The following TMEM132C variants were observed in gnomAD, a reference collection of about 807,000 sequenced individuals.
TMEM132C encodes protein phosphatase 1, regulatory subunit 152.
In TMEM132C, 29 loss-of-function variants were observed where a neutral mutation model predicts 61.4. The ratio of observed to expected loss-of-function variants is 0.47; its 90% CI spans 0.35 to 0.64. TMEM132C has a LOEUF of 0.64. Ranked by LOEUF, TMEM132C falls within the 30% of genes least tolerant of loss-of-function variation. The pLI is 0.00. For synonymous variants in TMEM132C, 656 were observed against 633.1 expected, an observed-to-expected ratio of 1.04 and a Z score of -0.54; for missense variants, 1,408 against 1,476.9, an observed-to-expected ratio of 0.95 and a Z score of 0.76.
chr12:128,600,228 C>T (rs1030797564), intron 3 of TMEM132C, among the ~76,000 whole-genome samples: 12 of 152,192 alleles, frequency 7.9e-5, no homozygotes, highest in African/African-American at 2.4e-4. Flanking sequence ...GTGATCTGCC[C>T]ACCTCGGCCT....
intron 3 of TMEM132C, among the ~76,000 whole-genome samples, chr12:128,585,893 G>A (rs1250107472): frequency 2.6e-5 from 4 of 152,140 alleles, no homozygotes; most frequent in Non-Finnish European, 5.9e-5. Flanking sequence ...TGGGATGAGG[G>A]GGAAGTGGGG....
intron 2 of TMEM132C, among the ~76,000 whole-genome samples, chr12:128,434,875 A>G (rs7976831): frequency 0.77 from 115,981 of 150,908 alleles, 44,862 homozygotes; most frequent in Non-Finnish European, 0.83. Flanking sequence ...GCCTGCCTCG[A>G]CCTCCCAAAG....
At chr12:128,602,167 C>T (rs977381782) in intron 3 of TMEM132C, among the ~76,000 whole-genome samples, 1 of 152,164 alleles carries the variant, frequency 6.6e-6, no homozygotes, top group African/African-American at 2.4e-5. Context: ...CACGATGGCA[C>T]CAGTGTGCTG....
chr12:128,292,101 CTACG>C (rs912523596), intron 1 of TMEM132C, among the ~76,000 whole-genome samples: 1 of 152,234 alleles, frequency 6.6e-6, no homozygotes, highest in Non-Finnish European at 1.5e-5. Flanking sequence ...TCTTGCCTCA[CTACG>C]TAATCAATTC....
At chr12:128,677,987 C>T (rs1954606976) in intron 5 of TMEM132C, among the ~76,000 whole-genome samples, 1 of 152,212 alleles carries the variant, frequency 6.6e-6, no homozygotes. Flanking sequence ...CTCCCGTCAG[C>T]ACTAAACTTT....
At chr12:128,448,273 G>A (rs943898777) in intron 2 of TMEM132C, among the ~76,000 whole-genome samples, 9 of 152,144 alleles carry the variant, frequency 5.9e-5, no homozygotes, top group South Asian at 4.2e-4. Flanking sequence ...AAACCACTCC[G>A]AAAACCACAT....
chr12:128,679,499 C>A (rs558613044), intron 5 of TMEM132C, among the ~76,000 whole-genome samples: 18 of 152,326 alleles, frequency 1.2e-4, no homozygotes, highest in African/African-American at 4.3e-4. Context: ...CAAAAGGCAG[C>A]AGCACCTTGA....
At chr12:128,615,564 C>T (rs1876772102) in intron 3 of TMEM132C, among the ~76,000 whole-genome samples, 1 of 152,126 alleles carries the variant, frequency 6.6e-6, no homozygotes, top group African/African-American at 2.4e-5. Context: ...CTTACATGCG[C>T]AGTTCACAAT....
intron 1 of TMEM132C, among the ~76,000 whole-genome samples, chr12:128,363,700 C>G (rs1012027097): frequency 6.6e-6 from 1 of 152,028 alleles, no homozygotes; most frequent in African/African-American, 2.4e-5. Flanking sequence ...AAAAAATTAG[C>G]TGGGCGTGGT....
chr12:128,347,656 G>A (rs1026220370), intron 1 of TMEM132C, among the ~76,000 whole-genome samples: 2 of 152,176 alleles, frequency 1.3e-5, no homozygotes, highest in Admixed American at 6.5e-5. Flanking sequence ...TTGAACTCCC[G>A]AGGTCAGGTG....
At chr12:128,601,342 C>T (rs1299694744) in intron 3 of TMEM132C, among the ~76,000 whole-genome samples, 2 of 152,352 alleles carry the variant, frequency 1.3e-5, no homozygotes, top group Middle Eastern at 3.4e-3. Flanking sequence ...GGCGCAATCA[C>T]CCAGTCATTC....
chr12:128,692,858 C>T (rs539257244), intron 5 of TMEM132C, among the ~76,000 whole-genome samples: 1 of 152,270 alleles, frequency 6.6e-6, no homozygotes, highest in East Asian at 1.9e-4. Context: ...TTTTTTTAGT[C>T]TGTGTGTTTA....
rs528473575 is a variant in TMEM132C, at chr12:128,316,840, C to T, written c.85+49353C>T. ...CCCTTGTTCCAAGATACACTCCTTT[C>T]CTGGGGCCATCTGTGACTCACTCAT... On this transcript the variant is annotated intron_variant, in intron 1 of 8. Transcript: ENST00000435159. Among the ~76,000 whole-genome samples, 15 of 152,248 alleles carry T rather than the reference C, an allele frequency of 9.9e-5. No homozygotes were observed. The South Asian group carries it at 2.9e-3, about 30-fold the overall frequency.
chr12:128,595,439 T>C (rs533487733), intron 3 of TMEM132C, among the ~76,000 whole-genome samples: 1 of 152,172 alleles, frequency 6.6e-6, no homozygotes, highest in Non-Finnish European at 1.5e-5. Context: ...CATCTGGCCA[T>C]CTTACCATAC....
chr12:128,325,196 T>C (rs1872466048), intron 1 of TMEM132C, among the ~76,000 whole-genome samples: 1 of 152,236 alleles, frequency 6.6e-6, no homozygotes, highest in South Asian at 2.1e-4. Flanking sequence ...GTGCTAGTGC[T>C]GCTGCTGTTA....
intron 4 of TMEM132C, among the ~76,000 whole-genome samples, chr12:128,618,350 T>C (rs997768567): frequency 3.7e-5 from 5 of 136,620 alleles, no homozygotes; most frequent in Admixed American, 2.1e-4. Context: ...TGATTACTAA[T>C]GTCTGTACTC....
At chr12:128,521,315 A>G (rs554631626) in intron 2 of TMEM132C, among the ~76,000 whole-genome samples, 33 of 69,218 alleles carry the variant, frequency 4.8e-4, no homozygotes, top group Middle Eastern at 0.02. Flanking sequence ...GTGTATATAT[A>G]TATATGTGTG....
chr12:128,276,894 GCACA>G (rs71069547), intron 1 of TMEM132C, among the ~76,000 whole-genome samples: 2,115 of 150,026 alleles, frequency 0.014, 50 homozygotes, highest in African/African-American at 0.049. Flanking sequence ...GTGCGTGCAT[GCACA>G]CACACACACA....
At chr12:128,631,097 C>T (rs1473072041) in intron 4 of TMEM132C, among the ~76,000 whole-genome samples, 1 of 152,050 alleles carries the variant, frequency 6.6e-6, no homozygotes, top group African/African-American at 2.4e-5. Flanking sequence ...TGGTTTTGGT[C>T]CTGGTCTGGG....
Sources: gnomAD v4.1 joint callset for allele counts (sites outside exome capture counted in the v4.1 genomes callset) on GRCh38, gnomAD v4.1.1 for gene constraint, MANE v1.5 for transcripts, NCBI Gene and HGNC (gene_info 2026-07-23, HGNC 2026-07-21) for gene names.